The following FER1L6 variants were observed in gnomAD, a reference collection of about 807,000 sequenced individuals.
The protein encoded by FER1L6 is fer-1-like protein 6.
In FER1L6, 177 loss-of-function variants were observed where a neutral mutation model predicts 219.2. The ratio of observed to expected loss-of-function variants is 0.81; its 90% CI spans 0.71 to 0.91. The LOEUF is 0.91. Ranked by LOEUF, FER1L6 falls within the 40% of genes least tolerant of loss-of-function variation. The probability of loss-of-function intolerance (pLI) is 0.00; values close to 1 mark genes in which losing one functional copy is unlikely to be tolerated. For missense variants in FER1L6, 2,153 were observed against 2,259.9 expected (o/e 0.95, Z 0.96); for synonymous variants, 768 against 824.3 (o/e 0.93, Z 1.17).
intron 1 of FER1L6, among the ~76,000 whole-genome samples, chr8:123,929,914 G>A (rs1280792908): frequency 7.9e-5 from 12 of 151,148 alleles, no homozygotes; most frequent in South Asian, 2.1e-4. Context: ...TGACTGAGTC[G>A]TTCCTAGCCT....
intron 12 of FER1L6, among the ~76,000 whole-genome samples, chr8:123,997,793 G>A (rs1817202047): frequency 1.3e-5 from 2 of 152,114 alleles, no homozygotes; most frequent in African/African-American, 4.8e-5. Context: ...GCTGTTAAGA[G>A]ACTCTGATGT....
At chr8:124,060,857 T>G in intron 24 of FER1L6, 148 bp downstream of exon 24, 2 of 949,732 alleles carry the variant, frequency 2.1e-6, no homozygotes, top group South Asian at 1.8e-5. Flanking sequence ...AGACTTTTGT[T>G]GTTGTTGTTT....
intron 1 of FER1L6, among the ~76,000 whole-genome samples, chr8:123,877,541 G>A (rs1029636652): frequency 6.6e-6 from 1 of 152,144 alleles, no homozygotes; most frequent in Non-Finnish European, 1.5e-5. Context: ...ACCTTCAGCA[G>A]TGGGCATGAG....
At chr8:123,926,928 G>A (rs72709124) in intron 1 of FER1L6, among the ~76,000 whole-genome samples, 61,452 of 151,558 alleles carry the variant, frequency 0.41, 12,741 homozygotes, top group South Asian at 0.52. Context: ...TATAAATTTT[G>A]TAACATATTG....
chr8:124,076,158 A>G, intron 31 of FER1L6, 40 bp from the exon 32 acceptor site: 2 of 1,611,360 alleles, frequency 1.2e-6, no homozygotes, highest in Non-Finnish European at 1.7e-6. Context: ...ACCAATGTTG[A>G]GAGCTATTGA....
Position 124,003,318 on chromosome 8 carries a change from G to T in FER1L6, c.1671G>T (p.Pro557=), listed in dbSNP as rs371994179. ...TTCCTATGGCCTCCACCACTCACCC[G>T]GAGAAGCCACTGGTGACAGAAGGGA... The part of the protein sequence containing the change: ...VPIPMASTTH[P]EKPLVTEGNR... The change falls in exon 13 of 41, where the codon CCG becomes CCT. Residue 557 remains proline (P), a synonymous_variant. Coordinates refer to ENST00000522917, the MANE Select transcript of FER1L6 (RefSeq NM_001039112.2). 6.2e-7 allele frequency: 1 copy of T among 1,613,440 alleles called. No individual in the cohort carries two copies. Among genetic ancestry groups the T allele is most frequent in the African/African-American group, 1.3e-5 (1 of 74,998 alleles).
At chr8:123,970,210 G>A (rs1815738666) in intron 6 of FER1L6, 113 bp downstream of exon 6, 3 of 947,924 alleles carry the variant, frequency 3.2e-6, no homozygotes, top group Admixed American at 3.6e-5. Context: ...AGGAGGGCAA[G>A]TGTCAGTTGG....
At chr8:124,095,287 G>T (rs971156010) in intron 35 of FER1L6, among the ~76,000 whole-genome samples, 9 of 152,204 alleles carry the variant, frequency 5.9e-5, no homozygotes, top group African/African-American at 2.2e-4. Flanking sequence ...AGCCTAAAAT[G>T]TCAATAATGC....
intron 11 of FER1L6, among the ~76,000 whole-genome samples, chr8:123,981,239 A>C (rs1430989431): frequency 6.6e-6 from 1 of 152,090 alleles, no homozygotes; most frequent in Admixed American, 6.6e-5. Context: ...GGATATAAGA[A>C]ATTGAGAAAC....
chr8:123,909,938 A>G (rs907706203), intron 1 of FER1L6, among the ~76,000 whole-genome samples: 1 of 152,216 alleles, frequency 6.6e-6, no homozygotes, highest in Admixed American at 6.5e-5. Flanking sequence ...CTTTGCAAAC[A>G]TATGGAGTCA....
intron 13 of FER1L6, among the ~76,000 whole-genome samples, chr8:124,010,189 C>T (rs1586586706): frequency 6.8e-6 from 1 of 146,276 alleles, no homozygotes; most frequent in Admixed American, 6.8e-5. Context: ...GGTTCGGAAG[C>T]TGGCGAGTCA....
intron 1 of FER1L6, among the ~76,000 whole-genome samples, chr8:123,920,059 G>A (rs1274020604): frequency 6.6e-6 from 1 of 152,222 alleles, no homozygotes. Flanking sequence ...GAATTGCAAG[G>A]TGGTGACTGC....
At chr8:124,001,705 T>C (rs1309153154) in intron 12 of FER1L6, among the ~76,000 whole-genome samples, 3 of 152,202 alleles carry the variant, frequency 2.0e-5, no homozygotes, top group African/African-American at 4.8e-5. Flanking sequence ...CTTAAGGACA[T>C]AGAAACACAT....
At chr8:124,089,885 T>C (rs1007433763) in intron 33 of FER1L6, among the ~76,000 whole-genome samples, 1 of 152,222 alleles carries the variant, frequency 6.6e-6, no homozygotes, top group African/African-American at 2.4e-5. Context: ...TTCTTTATAA[T>C]CATTATTTCA....
chr8:124,070,790 G>C (rs150496030), intron 30 of FER1L6, among the ~76,000 whole-genome samples, 192 bp downstream of exon 30: 1 of 152,160 alleles, frequency 6.6e-6, no homozygotes. Flanking sequence ...GTGACCAGTG[G>C]ATTGGAGCTC....
At chr8:124,051,398 T>C (rs908534476) in intron 22 of FER1L6, among the ~76,000 whole-genome samples, 1 of 152,222 alleles carries the variant, frequency 6.6e-6, no homozygotes, top group African/African-American at 2.4e-5. Flanking sequence ...AAATCTCTGA[T>C]ACAGGCCCCT....
chr8:123,970,300 G>A (rs956705406), intron 6 of FER1L6, among the ~76,000 whole-genome samples: 1 of 152,198 alleles, frequency 6.6e-6, no homozygotes, highest in Non-Finnish European at 1.5e-5. Context: ...GAAGATCTAT[G>A]CTTCTTGGAA....
intron 26 of FER1L6, among the ~76,000 whole-genome samples, chr8:124,065,880 C>T (rs1409449608): frequency 6.6e-6 from 1 of 152,168 alleles, no homozygotes; most frequent in Non-Finnish European, 1.5e-5. Flanking sequence ...TCTCCTGCCA[C>T]CCCATCAATT....
At chr8:123,923,914 T>C (rs1813459311) in intron 1 of FER1L6, among the ~76,000 whole-genome samples, 1 of 132,332 alleles carries the variant, frequency 7.6e-6, no homozygotes, top group Admixed American at 8.8e-5. Context: ...CGCTCCAGCC[T>C]GGACTACAGA....
Sources: gnomAD v4.1 joint callset for allele counts (sites outside exome capture counted in the v4.1 genomes callset) on GRCh38, gnomAD v4.1.1 for gene constraint, MANE v1.5 for transcripts, NCBI Gene and HGNC (gene_info 2026-07-23, HGNC 2026-07-21) for gene names.